The following GFPT2 variants were observed in gnomAD, a reference collection of about 807,000 sequenced individuals.
The protein encoded by GFPT2 is glutamine--fructose-6-phosphate aminotransferase [isomerizing] 2.
In GFPT2, 62 loss-of-function variants were observed where a neutral mutation model predicts 85.6. The ratio of observed to expected loss-of-function variants is 0.72; its 90% CI spans 0.59 to 0.90. The LOEUF (loss-of-function observed/expected upper bound fraction) is 0.90. Ranked by LOEUF, GFPT2 falls within the 40% of genes least tolerant of loss-of-function variation. GFPT2 has a pLI of 0.00. For missense variants in GFPT2, 788 were observed against 893.4 expected (o/e 0.88, Z 1.50); for synonymous variants, 368 against 344.5 (o/e 1.07, Z -0.75).
intron 6 of GFPT2, among the ~76,000 whole-genome samples, chr5:180,329,966 TC>T (rs2127653691): frequency 6.6e-6 from 1 of 152,266 alleles, no homozygotes; most frequent in Non-Finnish European, 1.5e-5. Context: ...CCAATCTCTC[TC>T]CCTCTCTCCC....
intron 3 of GFPT2, 109 bp from the exon 4 acceptor site, chr5:180,336,062 A>C: frequency 9.4e-7 from 1 of 1,060,376 alleles, no homozygotes; most frequent in Non-Finnish European, 1.3e-6. Context: ...CACCGATGGC[A>C]CCTCCCCACC....
At chr5:180,321,623 C>G (rs1386067232) in intron 9 of GFPT2, among the ~76,000 whole-genome samples, 2 of 152,272 alleles carry the variant, frequency 1.3e-5, no homozygotes, top group Non-Finnish European at 2.9e-5. Flanking sequence ...TGCCCAAAAG[C>G]TGGACAGTGT....
chr5:180,313,188 C>T (rs1763928995), intron 14 of GFPT2, among the ~76,000 whole-genome samples: 1 of 152,084 alleles, frequency 6.6e-6, no homozygotes, highest in South Asian at 2.1e-4. Flanking sequence ...GGGGGAGCCC[C>T]GTGCCAGCCC....
chr5:180,314,300 C>T (rs1763960374), intron 13 of GFPT2, among the ~76,000 whole-genome samples: 1 of 152,140 alleles, frequency 6.6e-6, no homozygotes, highest in Non-Finnish European at 1.5e-5. Context: ...GGGCTTGGCT[C>T]CCAGCGCCCT....
rs1197576451 is a variant in GFPT2, at chr5:180,300,708, GTTCT to G, written c.*852_*855del. The G allele has an allele frequency of 6.6e-6, 1 of 152,624 alleles. No individual in the cohort carries two copies. The highest frequency in any genetic ancestry group is 1.5e-5 in the Non-Finnish European group (1 of 68,032). The allele number at this position is 152,624 out of a possible 1,614,324, so 9.5% of individuals were successfully genotyped here. On this transcript the variant is annotated 3_prime_UTR_variant, in exon 19 of 19. Transcript: ENST00000253778. ...GCAAACACACACAAAAAAACTGTATGTTCTTTATTGTCCTAAAATTGCATAGTAC... is the reference window on the plus strand; with the variant it reads ...GCAAACACACACAAAAAAACTGTATGTTATTGTCCTAAAATTGCATAGTAC...
At chr5:180,344,205 G>A (rs1027067123) in intron 1 of GFPT2, among the ~76,000 whole-genome samples, 3 of 152,234 alleles carry the variant, frequency 2.0e-5, no homozygotes, top group Non-Finnish European at 2.9e-5. Context: ...TGCAGAATAT[G>A]AGTAAATTAC....
intron 1 of GFPT2, among the ~76,000 whole-genome samples, chr5:180,350,524 C>T (rs1764693036): frequency 6.6e-6 from 1 of 152,194 alleles, no homozygotes; most frequent in African/African-American, 2.4e-5. Flanking sequence ...TGCGGCTCAC[C>T]TGCCCCTTCT....
chr5:180,302,104 G>A (rs185632076), intron 18 of GFPT2, among the ~76,000 whole-genome samples: 1,189 of 90,516 alleles, frequency 0.013, 23 homozygotes, highest in African/African-American at 0.04. Flanking sequence ...TGGCTAACAC[G>A]GTGAAACCCC....
intron 15 of GFPT2, among the ~76,000 whole-genome samples, chr5:180,310,703 G>A (rs949329174): frequency 2.8e-5 from 4 of 143,584 alleles, no homozygotes; most frequent in Admixed American, 6.8e-5. Context: ...GAGCCACCGC[G>A]CCCGGCCATC....
intron 1 of GFPT2, 110 bp downstream of exon 1, chr5:180,353,101 C>A (rs1404362214): frequency 4.3e-6 from 4 of 934,812 alleles, no homozygotes; most frequent in Non-Finnish European, 4.2e-6. Flanking sequence ...CAGATCGGCG[C>A]CCCCAGCCAG....
intron 1 of GFPT2, among the ~76,000 whole-genome samples, chr5:180,341,424 T>G (rs1207772445): frequency 6.6e-6 from 1 of 152,184 alleles, no homozygotes; most frequent in Admixed American, 6.5e-5. Flanking sequence ...AATGATAAAC[T>G]TCAATGAAAT....
chr5:180,338,579 T>C lies in GFPT2; in HGVS notation c.29A>G (p.Tyr10Cys), dbSNP rs1453561694. The C allele has an allele frequency of 6.2e-7, 1 of 1,603,082 alleles. No homozygotes were observed. Among genetic ancestry groups the C allele is most frequent in the Non-Finnish European group, 8.5e-7 (1 of 1,170,524 alleles). The change falls in exon 2 of 19, where the codon TAC (tyrosine) becomes TGC (cysteine). Residue 10 changes from tyrosine to cysteine, a missense_variant. By Grantham distance (194) the Tyr-to-Cys change is radical (BLOSUM62 -2). Transcript: ENST00000253778. MCGIFAYMN[Y>C]RVPRTRKEIF... ...CTCCTTCCTCGTCCGGGGGACTCTG[T>C]AGTTCATGTAGGCAAAGATTCCTGT...
At chr5:180,312,928 C>G (rs1288008928) in intron 14 of GFPT2, among the ~76,000 whole-genome samples, 1 of 152,152 alleles carries the variant, frequency 6.6e-6, no homozygotes, top group East Asian at 1.9e-4. Context: ...AGGCACCCGC[C>G]ACCACACCCG....
At chr5:180,341,797 G>T (rs958480558) in intron 1 of GFPT2, among the ~76,000 whole-genome samples, 8 of 152,236 alleles carry the variant, frequency 5.3e-5, no homozygotes, top group African/African-American at 1.2e-4. Context: ...AGTGTCCCCA[G>T]TGAGGGCCGC....
At position 180,323,490 on chromosome 5, in the gene GFPT2, G is replaced by C. The variant is rs1234773020; in HGVS notation, c.794+698C>G. Among the ~76,000 whole-genome samples the C allele has an allele frequency of 6.6e-6, 1 of 151,848 alleles. No individual in the cohort carries two copies. Among genetic ancestry groups the C allele is most frequent in the Non-Finnish European group, 1.5e-5 (1 of 67,972 alleles). ...GAAGGTACCAGAGGTGATTACAGCA[G>C]TTTTCTACTTCAAATGGCAGGAAAG... is the stretch of plus-strand genomic sequence containing the variant. On this transcript the variant is annotated intron_variant, in intron 9 of 18. Coordinates refer to ENST00000253778, the MANE Select transcript of GFPT2 (RefSeq NM_005110.4). This position sits in a 1 kb window ranked among gnomAD's most constrained non-coding sequence, Gnocchi z 4.0.
At chr5:180,347,479 G>A (rs1764631653) in intron 1 of GFPT2, among the ~76,000 whole-genome samples, 1 of 152,224 alleles carries the variant, frequency 6.6e-6, no homozygotes, top group South Asian at 2.1e-4. Context: ...CAGAAGGAGA[G>A]GGACCGAGAA....
At chr5:180,353,083 G>A in intron 1 of GFPT2, 128 bp downstream of exon 1, 1 of 748,588 alleles carries the variant, frequency 1.3e-6, no homozygotes, top group East Asian at 3.6e-5. Flanking sequence ...CTCGGTAGGG[G>A]CCCGGGGCAG....
Position 180,353,317 on chromosome 5 carries a change from G to T in GFPT2, c.-100C>A. Reference sequence around the variant, plus strand: ...CCTCCGTGGGCTCCGTGGGCTCCGTGGGCTCCGCGGGCTCCAGCTCCCGTC... The same window carrying T: ...CCTCCGTGGGCTCCGTGGGCTCCGTTGGCTCCGCGGGCTCCAGCTCCCGTC... On this transcript the variant is annotated 5_prime_UTR_variant, in exon 1 of 19. Transcript: ENST00000253778. 1.1e-6 allele frequency: 1 copy of T among 893,118 alleles called. No individual in the cohort carries two copies. The highest frequency in any genetic ancestry group is 3.4e-5 in the East Asian group (1 of 29,630). 55.3% of individuals were successfully genotyped at this position (893,118 alleles called of 1,614,324 possible).
intron 14 of GFPT2, 74 bp downstream of exon 14, chr5:180,313,733 C>T: frequency 1.5e-6 from 2 of 1,357,214 alleles, no homozygotes; most frequent in Non-Finnish European, 2.0e-6. Context: ...CAGAGCAGGC[C>T]GGAGGAGGGC....
Sources: allele counts gnomAD v4.1 joint callset (sites outside exome capture counted in the v4.1 genomes callset), GRCh38; gene constraint gnomAD v4.1.1; non-coding constraint Gnocchi (gnomAD v3.1); transcripts MANE v1.5; gene names NCBI Gene and HGNC (gene_info 2026-07-23, HGNC 2026-07-21).